The following TNS1 variants were observed in gnomAD, a reference collection of about 807,000 sequenced individuals.
TNS1 encodes the protein tensin-1.
A neutral mutation model predicts 168.6 loss-of-function variants in TNS1; 62 were observed. That is an observed-to-expected ratio of 0.37 (90% CI 0.30 to 0.45). TNS1 has a LOEUF of 0.45. Ranked by LOEUF, TNS1 falls within the 20% of genes least tolerant of loss-of-function variation. The pLI is 1.00. For missense variants in TNS1, 2,240 were observed against 2,339.4 expected, an observed-to-expected ratio of 0.96 and a Z score of 0.88; for synonymous variants, 934 against 933.2, an observed-to-expected ratio of 1.00 and a Z score of -0.02.
rs765644488 is a variant in TNS1 at position 217,897,933 on chromosome 2, A to G, written c.408T>C (p.Cys136=). 1 of 1,612,178 alleles carries G rather than the reference A, an allele frequency of 6.2e-7. No individual in the cohort carries two copies. The highest frequency in any genetic ancestry group is 1.1e-5 in the South Asian group (1 of 90,752). ...MSVSRTMEDS[C]ELDLVYVTER... ...CTGTGACGTACACCAGGTCCAGCTC[A>G]CAGCTGTCCTCCATGGTCCGGCTCA... The change falls in exon 8 of 33, where the codon TGT becomes TGC. Residue 136 remains cysteine, a synonymous_variant. Transcript: ENST00000682258.
At chr2:217,829,053 TA>T (rs1944015919) in intron 22 of TNS1, among the ~76,000 whole-genome samples, 1 of 152,066 alleles carries the variant, frequency 6.6e-6, no homozygotes, top group African/African-American at 2.4e-5. Context: ...CTAATCCTCC[TA>T]CAGTGCACAG....
At chr2:217,981,070 CAG>C (rs1457870762) in intron 2 of TNS1, among the ~76,000 whole-genome samples, 1 of 152,238 alleles carries the variant, frequency 6.6e-6, no homozygotes, top group African/African-American at 2.4e-5. Context: ...ACACTACACT[CAG>C]AGGGCAAGGA....
Position 217,998,355 on chromosome 2 carries a change from C to G in TNS1, c.33+4485G>C, listed in dbSNP as rs534284524. On this transcript the variant is annotated intron_variant, in intron 1 of 32. Transcript: ENST00000682258. Reference sequence around the variant, plus strand: ...ATCAAGCCCATTTTCTGCACTGAAACGAAATCATGTCCTGTCGTGGAACTG... The same window carrying G: ...ATCAAGCCCATTTTCTGCACTGAAAGGAAATCATGTCCTGTCGTGGAACTG... Among the ~76,000 whole-genome samples, 12 of 152,220 alleles carry G rather than the reference C, an allele frequency of 7.9e-5. No homozygotes were observed. In the East Asian group the frequency reaches 2.3e-3, roughly 29 times the overall value.
intron 19 of TNS1, among the ~76,000 whole-genome samples, chr2:217,844,872 A>G (rs567049848): frequency 9.4e-4 from 143 of 152,194 alleles, no homozygotes; most frequent in Non-Finnish European, 1.6e-3. Context: ...ACTCAGTTGG[A>G]CTCTCCAACT....
At chr2:217,975,414 T>C (rs934326140) in intron 3 of TNS1, among the ~76,000 whole-genome samples, 5 of 152,188 alleles carry the variant, frequency 3.3e-5, no homozygotes, top group African/African-American at 1.2e-4. Context: ...CATATCACTC[T>C]GTATACATAA....
intron 3 of TNS1, among the ~76,000 whole-genome samples, chr2:217,938,684 G>A (rs542435009): frequency 2.6e-5 from 4 of 152,332 alleles, no homozygotes; most frequent in South Asian, 4.1e-4. Flanking sequence ...GGGAGTCTCC[G>A]ATTCTGTGAC....
chr2:217,870,676 G>A (rs183751734), intron 18 of TNS1, among the ~76,000 whole-genome samples: 4 of 152,138 alleles, frequency 2.6e-5, no homozygotes, highest in South Asian at 2.1e-4. Context: ...GCGTGGCTCC[G>A]GCCTTCCAGC....
At chr2:218,002,687 TGTCCTTCTGTAG>T (rs1444852801) in intron 1 of TNS1, among the ~76,000 whole-genome samples, 141 bp downstream of exon 1, 1 of 152,142 alleles carries the variant, frequency 6.6e-6, no homozygotes, top group African/African-American at 2.4e-5. Context: ...CAAGTCAGTC[TGTCCTTCTGTAG>T]GTCAGAGACA....
At chr2:218,005,079 C>T (rs1049073893), upstream of TNS1, among the ~76,000 whole-genome samples, 1 of 152,212 alleles carries the variant, frequency 6.6e-6, no homozygotes, top group Non-Finnish European at 1.5e-5. Flanking sequence ...TGCCCTTGTC[C>T]CCTGACAAGT....
At position 217,818,577 on chromosome 2, in the gene TNS1, T is replaced by C; in HGVS notation, c.3755A>G (p.Asp1252Gly). The change falls in exon 24 of 33, where the codon GAC becomes GGC. Residue 1252 changes from aspartate (D) to glycine (G), a missense_variant. Physicochemically the swap from Asp to Gly is moderately conservative, Grantham distance 94 (BLOSUM62 -1). Around this residue, in one of 2 missense-constraint regions of TNS1, gnomAD observed 2,131 missense variants for 2,171.2 expected, o/e 0.98. Transcript: ENST00000682258. ...GGAGCTGAAATGCTGAAGTGAGTAG[T>C]CGGGGCTGCTGTAGCTACTGCCCAC... ...PTVGSSYSSP[D>G]YSLQHFSSSP... The C allele has an allele frequency of 1.2e-6, 2 of 1,614,176 alleles. No homozygotes were observed. The highest frequency in any genetic ancestry group is 8.5e-7 in the Non-Finnish European group (1 of 1,180,024).
chr2:218,000,825 A>G (rs1369309469), intron 1 of TNS1, among the ~76,000 whole-genome samples: 1 of 152,152 alleles, frequency 6.6e-6, no homozygotes, highest in Non-Finnish European at 1.5e-5. Flanking sequence ...GAGGAAAAGG[A>G]GACAGGGGAG....
At chr2:217,864,791 A>G (rs535527070) in intron 18 of TNS1, among the ~76,000 whole-genome samples, 74 of 152,242 alleles carry the variant, frequency 4.9e-4, no homozygotes, top group Non-Finnish European at 9.7e-4. Flanking sequence ...AGTGAGGTCA[A>G]TCACTATTCC....
intron 19 of TNS1, among the ~76,000 whole-genome samples, chr2:217,837,598 C>G (rs1367108348): frequency 6.6e-6 from 1 of 152,222 alleles, no homozygotes; most frequent in Non-Finnish European, 1.5e-5. Context: ...GCAGAAGGTA[C>G]CGAGTGGTGC....
intron 3 of TNS1, among the ~76,000 whole-genome samples, chr2:217,933,806 G>A (rs1342725023): frequency 6.6e-6 from 1 of 152,184 alleles, no homozygotes; most frequent in East Asian, 1.9e-4. Flanking sequence ...GCAGAAGCTG[G>A]GTGGGAGGTG....
In TNS1 at chr2:217,895,345, C is replaced by T. The variant is rs145941475; in HGVS notation, c.544-289G>A. The stretch of plus-strand genomic sequence containing the variant: ...TGCAGGTGAGTCCCAGCAGACACAC[C>T]GTCACGAAGAGGAACTCAACTGTAG... On this transcript the variant is annotated intron_variant, in intron 8 of 32. Coordinates refer to ENST00000682258, the MANE Select transcript of TNS1 (RefSeq NM_001387777.1). Among the ~76,000 whole-genome samples, 660 of 152,220 alleles carry T rather than the reference C, an allele frequency of 4.3e-3. 16 individuals are homozygous for T. The highest frequency in any genetic ancestry group is 2.2e-3 in the Non-Finnish European group (150 of 68,016).
chr2:217,916,588 CTGCCCCACCAG>C (rs998126394), intron 4 of TNS1, among the ~76,000 whole-genome samples: 177 of 152,362 alleles, frequency 1.2e-3, no homozygotes, highest in African/African-American at 4.1e-3. Context: ...CCTCTCCATC[CTGCCCCACCAG>C]TGCCCCACAG....
chr2:217,810,079 A>T, intron 29 of TNS1, 88 bp from the exon 30 acceptor site: 1 of 1,511,042 alleles, frequency 6.6e-7, no homozygotes, highest in Non-Finnish European at 9.1e-7. Flanking sequence ...AGAAGGTAGC[A>T]GATAAATTTC....
intron 3 of TNS1, among the ~76,000 whole-genome samples, chr2:217,945,475 C>A (rs573381592): frequency 6.6e-6 from 1 of 152,148 alleles, no homozygotes; most frequent in Admixed American, 6.5e-5. Context: ...TTCTCAGGAC[C>A]TTATATGGGG....
At chr2:217,833,201 G>C (rs576700824) in intron 21 of TNS1, among the ~76,000 whole-genome samples, 1 of 152,220 alleles carries the variant, frequency 6.6e-6, no homozygotes, top group South Asian at 2.1e-4. Flanking sequence ...AGGTGGGCCC[G>C]TGAGGAGGTG....
Sources: allele counts gnomAD v4.1 joint callset (sites outside exome capture counted in the v4.1 genomes callset), GRCh38; gene constraint gnomAD v4.1.1; regional missense constraint gnomAD v4.1.1; transcripts MANE v1.5; gene names NCBI Gene and HGNC (gene_info 2026-07-23, HGNC 2026-07-21).